Variants in CREBL2 observed in about 807,000 individuals in gnomAD.
CREBL2 encodes cAMP responsive element binding protein like 2.
A neutral mutation model predicts 19.5 loss-of-function variants in CREBL2; 4 were observed. The ratio of observed to expected loss-of-function variants is 0.20; its 90% CI spans 0.10 to 0.47. CREBL2 has a LOEUF of 0.47. Among genes scored for constraint, CREBL2 ranks in the 20% least tolerant of loss-of-function variants. The pLI, the probability that CREBL2 is intolerant of heterozygous loss-of-function variation, is 0.98. For missense variants in CREBL2, 85 were observed against 145.1 expected (o/e 0.59, Z 2.13); for synonymous variants, 42 against 46.6 (o/e 0.90, Z 0.40).
intron 1 of CREBL2, among the ~76,000 whole-genome samples, chr12:12,624,833 G>A (rs1945388088): frequency 6.6e-6 from 1 of 152,208 alleles, no homozygotes; most frequent in African/African-American, 2.4e-5. Flanking sequence ...CTCTTATCCA[G>A]CGTCCAGGTA....
At chr12:12,638,432 G>A (rs1230004052) in intron 3 of CREBL2, among the ~76,000 whole-genome samples, 3 of 151,268 alleles carry the variant, frequency 2.0e-5, no homozygotes, top group Non-Finnish European at 2.9e-5. Flanking sequence ...GTGAGACCTC[G>A]TCTCAAAAAA....
chr12:12,613,144 A>G (rs1164386023), intron 1 of CREBL2, among the ~76,000 whole-genome samples: 1 of 152,258 alleles, frequency 6.6e-6, no homozygotes, highest in East Asian at 1.9e-4. Flanking sequence ...TGCTGGGATT[A>G]CAGGCGTGAG....
rs1232148078 is a variant in CREBL2, at chr12:12,644,032, T to C, written c.*2034T>C. On this transcript the variant is annotated 3_prime_UTR_variant, in exon 4 of 4. Transcript: ENST00000228865. Reference sequence around the variant, plus strand: ...ATGTCGCTCTTCAATGGAACGTCTTTATTGTGCTTGAAGTATTTCTTCTCT... The same window carrying C: ...ATGTCGCTCTTCAATGGAACGTCTTCATTGTGCTTGAAGTATTTCTTCTCT... 6.6e-6 allele frequency: 1 copy of C among 152,660 alleles called. No individual in the cohort carries two copies. The highest frequency in any genetic ancestry group is 6.5e-5 in the Admixed American group (1 of 15,284). The allele number at this position is 152,660 out of a possible 1,614,324, so 9.5% of individuals were successfully genotyped here.
intron 1 of CREBL2, among the ~76,000 whole-genome samples, chr12:12,612,851 TTATC>T (rs1431375454): frequency 6.6e-6 from 1 of 152,204 alleles, no homozygotes; most frequent in Non-Finnish European, 1.5e-5. Context: ...TCCAAATAGT[TTATC>T]TATGTATAGC....
chr12:12,619,758 T>C (rs1005014628), intron 1 of CREBL2, among the ~76,000 whole-genome samples: 9 of 152,212 alleles, frequency 5.9e-5, no homozygotes, highest in African/African-American at 1.9e-4. Context: ...CATGAATGAA[T>C]TGAAATATCC....
At chr12:12,637,843 C>A in intron 3 of CREBL2, 129 bp downstream of exon 3, 3 of 983,808 alleles carry the variant, frequency 3.0e-6, no homozygotes, top group South Asian at 5.5e-5. Flanking sequence ...GAGTTCAAGA[C>A]CAGACAGGGC....
At chr12:12,636,254 A>G (rs1004137965) in intron 2 of CREBL2, among the ~76,000 whole-genome samples, 2 of 152,194 alleles carry the variant, frequency 1.3e-5, no homozygotes, top group African/African-American at 4.8e-5. Context: ...ATGTTACTAC[A>G]TCCATGTATT....
Position 12,612,062 on chromosome 12 carries a change from G to A in CREBL2, c.-111G>A. 7.6e-7 allele frequency: 1 copy of A among 1,321,174 alleles called. No homozygotes were observed. The highest frequency in any genetic ancestry group is 1.1e-6 in the Non-Finnish European group (1 of 933,674). The allele number at this position is 1,321,174 out of a possible 1,614,324, so 81.8% of individuals were successfully genotyped here. On this transcript the variant is annotated 5_prime_UTR_variant, in exon 1 of 4. Transcript: ENST00000228865. ...GCGAACTGTTAGGCGAGAGGAGGAG[G>A]CAGCCAGAACCATATCCCCTTCTTC...
At chr12:12,623,265 G>T (rs570243939) in intron 1 of CREBL2, among the ~76,000 whole-genome samples, 9 of 151,758 alleles carry the variant, frequency 5.9e-5, no homozygotes, top group Non-Finnish European at 1.3e-4. Context: ...GATACTATGG[G>T]GTTGCAAAAG....
chr12:12,640,186 A>C (rs1410730082), intron 3 of CREBL2, among the ~76,000 whole-genome samples: 5 of 152,162 alleles, frequency 3.3e-5, no homozygotes, highest in African/African-American at 4.8e-5. Flanking sequence ...AGTAAGCCTG[A>C]GGGTTCTGCA....
intron 1 of CREBL2, among the ~76,000 whole-genome samples, chr12:12,612,605 C>T (rs1311246812): frequency 1.3e-5 from 2 of 152,114 alleles, no homozygotes; most frequent in Non-Finnish European, 1.5e-5. Flanking sequence ...CTCAATGCCC[C>T]ATTCATATAA....
chr12:12,636,070 TG>T, intron 2 of CREBL2, 96 bp downstream of exon 2: 1 of 1,125,216 alleles, frequency 8.9e-7, no homozygotes, highest in Non-Finnish European at 1.3e-6. Flanking sequence ...CCTGTCCAGT[TG>T]GCAAACATTG....
rs559992928 is a variant in CREBL2, at chr12:12,632,827, A to T, written c.16-2950A>T. On this transcript the variant is annotated intron_variant, in intron 1 of 3. Transcript: ENST00000228865. ...AATTTTAAATTTAACCCATTTTAAT[A>T]TCTGGATGAACTAGGTCATCCTGCA... Among the ~76,000 whole-genome samples, 9 of 151,964 alleles carry T rather than the reference A, an allele frequency of 5.9e-5. No individual in the cohort carries two copies. The South Asian group carries it at 1.9e-3, about 31-fold the overall frequency.
In CREBL2 at chr12:12,632,319, C is replaced by T. The variant is rs562246633; in HGVS notation, c.16-3458C>T. The stretch of plus-strand genomic sequence containing the variant: ...GTCTCGATCTCCTGACCTCGTGATC[C>T]GCCCGCCTCGGCCTCCCAAAGTGCT... On this transcript the variant is annotated intron_variant, in intron 1 of 3. Coordinates refer to ENST00000228865, the MANE Select transcript of CREBL2 (RefSeq NM_001310.4). Among the ~76,000 whole-genome samples the T allele has an allele frequency of 1.1e-4, 16 of 151,856 alleles. No individual in the cohort carries two copies. In the South Asian group the frequency reaches 1.2e-3, roughly 12 times the overall value.
chr12:12,618,263 C>A, intron 1 of CREBL2, among the ~76,000 whole-genome samples: 1 of 150,038 alleles, frequency 6.7e-6, no homozygotes, highest in Non-Finnish European at 1.5e-5. Context: ...AGACGCTCCT[C>A]ACTTCCCAGA....
intron 1 of CREBL2, among the ~76,000 whole-genome samples, chr12:12,622,656 T>C (rs1945368730): frequency 6.6e-6 from 1 of 152,160 alleles, no homozygotes; most frequent in Non-Finnish European, 1.5e-5. Flanking sequence ...AAGATGTGAG[T>C]AGACTTTGCT....
chr12:12,643,391 CAG>C lies in CREBL2; in HGVS notation c.*1394_*1395del, dbSNP rs1461840134. 6.6e-6 allele frequency: 1 copy of C among 152,628 alleles called. No homozygotes were observed. Among genetic ancestry groups the C allele is most frequent in the African/African-American group, 2.4e-5 (1 of 41,448 alleles). 9.5% of individuals were successfully genotyped at this position (152,628 alleles called of 1,614,324 possible). On this transcript the variant is annotated 3_prime_UTR_variant, in exon 4 of 4. Coordinates refer to ENST00000228865, the MANE Select transcript of CREBL2 (RefSeq NM_001310.4). Reference sequence around the variant, plus strand: ...TCTCTTCTCTTTCCCATGGTTAAAACAGGAGTTGTGTTCTCTGTCGCTGCTAA... The same window carrying C: ...TCTCTTCTCTTTCCCATGGTTAAAACGAGTTGTGTTCTCTGTCGCTGCTAA...
Position 12,612,156 on chromosome 12 carries a change from C to A in CREBL2, c.-17C>A. The A allele has an allele frequency of 6.2e-7, 1 of 1,612,012 alleles. No homozygotes were observed. The highest frequency in any genetic ancestry group is 1.3e-5 in the African/African-American group (1 of 75,074). ...CTCCGGGAGGGAGTGCCTGGCCAGG[C>A]CGGCCTGTCTGCCGCGATGGATGAC... is the stretch of plus-strand genomic sequence containing the variant. On this transcript the variant is annotated 5_prime_UTR_variant, in exon 1 of 4. Transcript: ENST00000228865.
At chr12:12,624,663 G>C (rs1356374142) in intron 1 of CREBL2, among the ~76,000 whole-genome samples, 1 of 152,200 alleles carries the variant, frequency 6.6e-6, no homozygotes, top group African/African-American at 2.4e-5. Flanking sequence ...AGCCCCAGAG[G>C]GAGTGTTACA....
Sources: allele counts gnomAD v4.1 joint callset (sites outside exome capture counted in the v4.1 genomes callset), GRCh38; gene constraint gnomAD v4.1.1; transcripts MANE v1.5; gene names NCBI Gene and HGNC (gene_info 2026-07-23, HGNC 2026-07-21).